Variants in RORA observed in about 807,000 individuals in gnomAD.
The protein encoded by RORA is nuclear receptor ROR-alpha.
Under a neutral mutation model 69.5 loss-of-function variants are expected in RORA, and 7 were observed. The ratio of observed to expected loss-of-function variants is 0.10; its 90% CI spans 0.06 to 0.19. RORA has a LOEUF of 0.19. RORA is among the 10% of genes least tolerant of loss of function. The pLI is 1.00. For missense variants in RORA, 457 were observed against 663.0 expected (o/e 0.69, Z 3.41); for synonymous variants, 261 against 240.8 (o/e 1.08, Z -0.78).
chr15:60,655,223 T>G (rs994357797), intron 2 of RORA, among the ~76,000 whole-genome samples: 1 of 152,138 alleles, frequency 6.6e-6, no homozygotes, highest in African/African-American at 2.4e-5. Context: ...GTCGCCCTCA[T>G]GGAAACTTTT....
rs528292687 is a variant in RORA, at chr15:60,867,522, C to G, written c.167-188836G>C. Among the ~76,000 whole-genome samples, 28 of 152,312 alleles carry G rather than the reference C, an allele frequency of 1.8e-4. 1 individual carries two copies. The South Asian group carries it at 3.9e-3, about 21-fold the overall frequency. On this transcript the variant is annotated intron_variant, in intron 1 of 10. Transcript: ENST00000335670. ...AGTACTGAGAGCAGTAGCAGAGAAT[C>G]TTTCCTCTTAGGGTATACAGATGGG...
intron 1 of RORA, among the ~76,000 whole-genome samples, chr15:61,198,165 A>G (rs914876921): frequency 6.6e-6 from 1 of 152,198 alleles, no homozygotes; most frequent in Non-Finnish European, 1.5e-5. Flanking sequence ...CAAATTTAAA[A>G]AAATTGATAT....
At position 60,880,141 on chromosome 15, in the gene RORA, C is replaced by G. The variant is rs181370629; in HGVS notation, c.167-201455G>C. Among the ~76,000 whole-genome samples, 75 of 152,286 alleles carry G rather than the reference C, an allele frequency of 4.9e-4. No homozygotes were observed. In the East Asian group the frequency reaches 0.012, roughly 25 times the overall value. On this transcript the variant is annotated intron_variant, in intron 1 of 10. Coordinates refer to ENST00000335670, the MANE Select transcript of RORA (RefSeq NM_134261.3). ...TTTCTTCTGACCAATCACATCTCAC[C>G]TTACTCTTTGGTTTCCAGGAACATT...
At chr15:61,072,811 CT>C (rs761800193) in intron 1 of RORA, among the ~76,000 whole-genome samples, 55 of 152,218 alleles carry the variant, frequency 3.6e-4, no homozygotes, top group Admixed American at 9.8e-4. Flanking sequence ...AGTATTAGGA[CT>C]GCCTCATTGT....
chr15:60,963,427 A>G (rs1434523772), intron 1 of RORA, among the ~76,000 whole-genome samples: 1 of 152,202 alleles, frequency 6.6e-6, no homozygotes, highest in Admixed American at 6.5e-5. Flanking sequence ...GCAATGGTTG[A>G]AAAGGGCCAA....
intron 2 of RORA, among the ~76,000 whole-genome samples, chr15:60,535,425 C>T (rs951522278): frequency 6.6e-6 from 1 of 152,212 alleles, no homozygotes; most frequent in African/African-American, 2.4e-5. Flanking sequence ...GCTCTCCACA[C>T]CTGCAGAGGC....
Position 60,832,296 on chromosome 15 carries a change from A to G in RORA, c.167-153610T>C, listed in dbSNP as rs563120448. 1.1e-4 allele frequency among the ~76,000 whole-genome samples: 17 copies of G among 152,198 alleles called. 1 individual carries two copies. The highest frequency in any genetic ancestry group is 2.1e-4 in the Non-Finnish European group (14 of 68,030). ...TCCCACACCACCCCTCCAGTTTGCC[A>G]GGAATTTTCCTGGTTTTAGCATTAA... On this transcript the variant is annotated intron_variant, in intron 1 of 10. Transcript: ENST00000335670.
At chr15:60,764,866 T>C (rs1355914644) in intron 1 of RORA, 1 of 152,078 alleles carries the variant, frequency 6.6e-6, no homozygotes, top group African/African-American at 2.4e-5. Context: ...TGCCTTGTCA[T>C]TTAAGAAACC....
intron 8 of RORA, 137 bp downstream of exon 8, chr15:60,502,623 A>G: frequency 4.5e-6 from 3 of 671,898 alleles, no homozygotes; most frequent in Non-Finnish European, 7.9e-6. Context: ...GACTAACTAG[A>G]AAGTAAAATA....
intron 2 of RORA, among the ~76,000 whole-genome samples, chr15:60,622,866 C>T (rs1285643601): frequency 6.6e-6 from 1 of 152,030 alleles, no homozygotes; most frequent in African/African-American, 2.4e-5. Flanking sequence ...CAGGCATGCA[C>T]CACCACACCT....
At position 60,905,392 on chromosome 15, in the gene RORA, CT is replaced by C. The variant is rs369443415; in HGVS notation, c.167-226707del. Among the ~76,000 whole-genome samples, 36 of 152,166 alleles carry C rather than the reference CT, an allele frequency of 2.4e-4. No individual in the cohort carries two copies. Among genetic ancestry groups the C allele is most frequent in the East Asian group, 5.8e-4 (3 of 5,186 alleles). ...TGTCAAAGACAGCTCATTAGATCAA[CT>C]TTTTTTTCTGTGTATTTTTTTTTCT... On this transcript the variant is annotated intron_variant, in intron 1 of 10. Coordinates refer to ENST00000335670, the MANE Select transcript of RORA (RefSeq NM_134261.3). The surrounding 1 kb of genome is among the most constrained non-coding windows in gnomAD (Gnocchi z 4.8).
At chr15:61,118,640 T>C (rs1480791660) in intron 1 of RORA, among the ~76,000 whole-genome samples, 1 of 150,632 alleles carries the variant, frequency 6.6e-6, no homozygotes, top group Non-Finnish European at 1.5e-5. Flanking sequence ...CAGCCAGAGG[T>C]GAGAGAGAGC....
intron 1 of RORA, among the ~76,000 whole-genome samples, chr15:61,171,492 C>T (rs115886199): frequency 0.01 from 1,556 of 152,296 alleles, 36 homozygotes; most frequent in African/African-American, 0.036. Flanking sequence ...CCCTAAGAAC[C>T]ACCCCTCTGC....
At chr15:61,219,972 C>A (rs1003597857) in intron 1 of RORA, among the ~76,000 whole-genome samples, 1 of 152,180 alleles carries the variant, frequency 6.6e-6, no homozygotes, top group Non-Finnish European at 1.5e-5. Context: ...TGCTAGGGAA[C>A]CTCACCAATC....
intron 3 of RORA, chr15:60,528,590 A>G (rs2066435242): frequency 6.6e-6 from 1 of 152,170 alleles, no homozygotes; most frequent in African/African-American, 2.4e-5. Flanking sequence ...ATTCTACATA[A>G]CACATTGCAA....
In RORA at chr15:61,082,470, C is replaced by T. The variant is rs148284269; in HGVS notation, c.166+146583G>A. 3.7e-3 allele frequency among the ~76,000 whole-genome samples: 570 copies of T among 152,284 alleles called. 4 individuals carry two copies. Among genetic ancestry groups the T allele is most frequent in the African/African-American group, 0.013 (548 of 41,560 alleles). On this transcript the variant is annotated intron_variant, in intron 1 of 10. Transcript: ENST00000335670. Reference sequence around the variant, plus strand: ...CACCATTGCACTCTAGCCTGGGTGACAAGAGCAAAACTCCATCTCAAACAA... The same window carrying T: ...CACCATTGCACTCTAGCCTGGGTGATAAGAGCAAAACTCCATCTCAAACAA...
At chr15:60,961,610 G>A (rs1327482475) in intron 1 of RORA, among the ~76,000 whole-genome samples, 8 of 152,198 alleles carry the variant, frequency 5.3e-5, no homozygotes, top group Non-Finnish European at 8.8e-5. Context: ...TCCTTTGAAA[G>A]ACTTTCCCGG....
Position 60,511,271 on chromosome 15 carries a change from A to G in RORA, c.775T>C (p.Phe259Leu), listed in dbSNP as rs200914900. ...PASGFFPYCS[F>L]TNGETSPTVS... The stretch of plus-strand genomic sequence containing the variant: ...GTTGGGGAAGTCTCGCCGTTGGTGA[A>G]CGAACAGTAGGGAAAGAAGCCTGAT... Residue 259 changes from phenylalanine to leucine, a missense_variant, in exon 5 of 11, where the codon TTC becomes CTC. Physicochemically the swap from Phe to Leu is conservative, Grantham distance 22 (BLOSUM62 0). Around this residue, in one of 3 missense-constraint regions of RORA, gnomAD observed 304 missense variants for 447.4 expected, o/e 0.68. Transcript: ENST00000335670. This position sits in a 1 kb window ranked among gnomAD's most constrained non-coding sequence, Gnocchi z 6.4. 1.2e-6 allele frequency: 2 copies of G among 1,614,172 alleles called. No individual in the cohort carries two copies. The highest frequency in any genetic ancestry group is 4.5e-5 in the East Asian group (2 of 44,896).
chr15:60,633,306 A>T (rs2069775647), intron 2 of RORA, among the ~76,000 whole-genome samples: 1 of 152,248 alleles, frequency 6.6e-6, no homozygotes, highest in Admixed American at 6.5e-5. Context: ...ATGATCTTAA[A>T]TTAATATTTA....
Sources: allele counts gnomAD v4.1 joint callset (sites outside exome capture counted in the v4.1 genomes callset), GRCh38; gene constraint gnomAD v4.1.1; regional missense constraint gnomAD v4.1.1; non-coding constraint Gnocchi (gnomAD v3.1); transcripts MANE v1.5; gene names NCBI Gene and HGNC (gene_info 2026-07-23, HGNC 2026-07-21).